Variants in FLT3 observed in about 807,000 individuals in gnomAD.
The protein encoded by FLT3 is fms related receptor tyrosine kinase 3.
A neutral mutation model predicts 126.6 loss-of-function variants in FLT3; 46 were observed. The observed-to-expected ratio is 0.36, with a 90% CI of 0.29 to 0.46. The LOEUF is 0.46. Ranked by LOEUF, FLT3 falls within the 20% of genes least tolerant of loss-of-function variation. FLT3 has a pLI of 1.00. For synonymous variants in FLT3, 404 were observed against 434.4 expected, an observed-to-expected ratio of 0.93 and a Z score of 0.87; for missense variants, 1,069 against 1,190.3, an observed-to-expected ratio of 0.90 and a Z score of 1.50.
intron 8 of FLT3, 91 bp from the exon 9 acceptor site, chr13:28,048,534 T>A (rs1420802070): frequency 6.5e-6 from 6 of 917,964 alleles, no homozygotes; most frequent in Non-Finnish European, 9.8e-6. Context: ...TTCATCAGTT[T>A]AACACAGGAA....
intron 17 of FLT3, among the ~76,000 whole-genome samples, chr13:28,025,825 T>C (rs1023139296): frequency 1.3e-5 from 2 of 152,128 alleles, no homozygotes; most frequent in African/African-American, 4.8e-5. Context: ...TAAGGGCAGC[T>C]GCACACGGAC....
At chr13:28,073,622 T>A (rs9581974) in intron 1 of FLT3, among the ~76,000 whole-genome samples, 151,547 of 152,264 alleles carry the variant, frequency 1, 75,422 homozygotes, top group Middle Eastern at 1. Context: ...TATCTGCAAA[T>A]CCATCACCAC....
chr13:28,008,275 C>CAAAAAAAAAAAA (rs11409962), intron 23 of FLT3, among the ~76,000 whole-genome samples: 2 of 87,094 alleles, frequency 2.3e-5, no homozygotes, highest in African/African-American at 4.7e-5. Context: ...GAACCTGTCT[C>CAAAAAAAAAAAA]AAAAAAAAAA....
At chr13:28,021,576 TGTA>T (rs1872390325) in intron 19 of FLT3, among the ~76,000 whole-genome samples, 1 of 152,014 alleles carries the variant, frequency 6.6e-6, no homozygotes, top group African/African-American at 2.4e-5. Context: ...TTTTAAAACT[TGTA>T]TTATTATTGC....
At chr13:28,071,921 C>T (rs1344759458) in intron 1 of FLT3, among the ~76,000 whole-genome samples, 1 of 152,110 alleles carries the variant, frequency 6.6e-6, no homozygotes, top group East Asian at 1.9e-4. Context: ...AGTGATCCCC[C>T]TGCCTTGGCC....
intron 9 of FLT3, among the ~76,000 whole-genome samples, chr13:28,043,617 G>T (rs1483148879): frequency 1.3e-5 from 2 of 152,144 alleles, no homozygotes; most frequent in East Asian, 1.9e-4. Context: ...GTTGAATCTA[G>T]GTGGTAGGTA....
intron 1 of FLT3, among the ~76,000 whole-genome samples, chr13:28,096,108 A>C (rs1246264134): frequency 6.6e-6 from 1 of 152,154 alleles, no homozygotes; most frequent in East Asian, 1.9e-4. Context: ...TAATCCCAGC[A>C]CTTTGGGAGG....
At chr13:28,083,797 G>A (rs944539574) in intron 1 of FLT3, among the ~76,000 whole-genome samples, 25 of 152,040 alleles carry the variant, frequency 1.6e-4, no homozygotes, top group South Asian at 8.3e-4. Flanking sequence ...CATATTAACC[G>A]TTTAATATCT....
intron 2 of FLT3, among the ~76,000 whole-genome samples, chr13:28,065,547 C>G (rs1459344289): frequency 6.6e-6 from 1 of 152,032 alleles, no homozygotes; most frequent in Non-Finnish European, 1.5e-5. Context: ...GAGGCTGAGG[C>G]AGGAGGATTG....
rs150580639 is a variant in FLT3, at chr13:28,089,860, G to A, written c.43+10608C>T. ...AGCAATTCTCCTGCCTCAGCCTCCC[G>A]AGTAACTAGGATTAAAGGCGCCTGC... On this transcript the variant is annotated intron_variant, in intron 1 of 23. Transcript: ENST00000241453. Among the ~76,000 whole-genome samples the A allele has an allele frequency of 9.3e-3, 1,399 of 151,160 alleles. 28 individuals are homozygous for A. The highest frequency in any genetic ancestry group is 0.032 in the African/African-American group (1,316 of 41,012).
At chr13:28,025,032 T>C in intron 17 of FLT3, 89 bp from the exon 18 acceptor site, 3 of 770,012 alleles carry the variant, frequency 3.9e-6, no homozygotes. Flanking sequence ...AATAAATGGA[T>C]TCCAGTTATA....
intron 23 of FLT3, among the ~76,000 whole-genome samples, chr13:28,006,166 T>C (rs749924907): frequency 2.4e-4 from 36 of 152,328 alleles, no homozygotes; most frequent in Middle Eastern, 6.8e-3. Context: ...GATTTAGGAA[T>C]CATGCATTCT....
rs189166547 is a variant in FLT3, at chr13:28,034,194, C to A, written c.1725G>T (p.Gln575His). The part of the protein sequence containing the change: ...KYKKQFRYES[Q>H]LQMVQVTGSS... ...AGCCGGTCACCTGTACCATCTGTAG[C>A]TGGCTTTCATACCTAAATTGCTTCA... Residue 575 changes from glutamine (Q) to histidine (H), a missense_variant, in exon 14 of 24, where the codon CAG becomes CAT. Coordinates refer to ENST00000241453, the MANE Select transcript of FLT3 (RefSeq NM_004119.3). 6.2e-7 allele frequency: 1 copy of A among 1,614,028 alleles called. No homozygotes were observed. Among genetic ancestry groups the A allele is most frequent in the African/African-American group, 1.3e-5 (1 of 75,060 alleles).
chr13:28,010,696 C>T (rs569685726), intron 23 of FLT3, among the ~76,000 whole-genome samples: 1 of 152,132 alleles, frequency 6.6e-6, no homozygotes, highest in Admixed American at 6.6e-5. Flanking sequence ...TTTTCCTTCC[C>T]TAGTCCTTGA....
At chr13:28,082,796 T>C (rs1294519655) in intron 1 of FLT3, among the ~76,000 whole-genome samples, 1 of 152,078 alleles carries the variant, frequency 6.6e-6, no homozygotes, top group African/African-American at 2.4e-5. Flanking sequence ...CTTTGCCTCC[T>C]GGGTTCACGC....
At position 28,035,480 on chromosome 13, in the gene FLT3, G is replaced by A. The variant is rs775383158; in HGVS notation, c.1597+15C>T. On this transcript the variant is annotated intron_variant, in intron 12 of 23. Transcript: ENST00000241453. ...AATTCCTGATGGTGGAATATCACAA[G>A]AACAACTGTTGTACCTGGAGAGTTT... 5 of 1,604,376 alleles carry A rather than the reference G, an allele frequency of 3.1e-6. No individual in the cohort carries two copies. The highest frequency in any genetic ancestry group is 3.4e-6 in the Non-Finnish European group (4 of 1,176,352).
At chr13:28,014,096 A>G (rs1338088920) in intron 23 of FLT3, among the ~76,000 whole-genome samples, 1 of 152,022 alleles carries the variant, frequency 6.6e-6, no homozygotes, top group Non-Finnish European at 1.5e-5. Context: ...ATACAGTGAT[A>G]CCCTATTTCT....
chr13:28,054,557 A>G (rs1023027380), intron 4 of FLT3, among the ~76,000 whole-genome samples: 7 of 147,170 alleles, frequency 4.8e-5, no homozygotes, highest in Admixed American at 2.7e-4. Flanking sequence ...CCCCGTCTCT[A>G]CAAAAACAAC....
intron 2 of FLT3, among the ~76,000 whole-genome samples, chr13:28,069,119 G>A (rs909043623): frequency 5.3e-5 from 8 of 152,164 alleles, no homozygotes; most frequent in Non-Finnish European, 1.0e-4. Context: ...TTCAGAGCCA[G>A]GCAATGAAGG....
Sources: gnomAD v4.1 joint callset for allele counts (sites outside exome capture counted in the v4.1 genomes callset) on GRCh38, gnomAD v4.1.1 for gene constraint, MANE v1.5 for transcripts, NCBI Gene and HGNC (gene_info 2026-07-23, HGNC 2026-07-21) for gene names.